Variants in CLSTN2 observed in about 807,000 individuals in gnomAD.
CLSTN2 encodes calsyntenin-2.
A neutral mutation model predicts 101.2 loss-of-function variants in CLSTN2; 48 were observed. The ratio of observed to expected loss-of-function variants is 0.47; its 90% CI spans 0.38 to 0.60. CLSTN2 has a LOEUF of 0.60. Ranked by LOEUF, CLSTN2 falls within the 20% of genes least tolerant of loss-of-function variation. The probability of loss-of-function intolerance (pLI) is 0.00; values close to 1 mark genes in which losing one functional copy is unlikely to be tolerated. For synonymous variants in CLSTN2, 481 were observed against 463.6 expected, an observed-to-expected ratio of 1.04 and a Z score of -0.48; for missense variants, 1,160 against 1,238.2, an observed-to-expected ratio of 0.94 and a Z score of 0.95.
intron 10 of CLSTN2, among the ~76,000 whole-genome samples, chr3:140,553,449 G>C (rs893258287): frequency 6.6e-6 from 1 of 152,148 alleles, no homozygotes; most frequent in African/African-American, 2.4e-5. Flanking sequence ...ACTAGAACTG[G>C]AATATTACAG....
intron 1 of CLSTN2, among the ~76,000 whole-genome samples, chr3:140,007,233 C>G (rs1414451665): frequency 6.6e-6 from 1 of 152,178 alleles, no homozygotes; most frequent in East Asian, 1.9e-4. Flanking sequence ...GGAAATAGCA[C>G]TCAGAAAGCC....
chr3:140,361,024 T>A (rs934805141), intron 2 of CLSTN2, among the ~76,000 whole-genome samples: 1 of 152,200 alleles, frequency 6.6e-6, no homozygotes, highest in Non-Finnish European at 1.5e-5. Flanking sequence ...TCAGTACTAT[T>A]CTGATATCTA....
Position 140,466,708 on chromosome 3 carries a change from G to T in CLSTN2, c.1321G>T (p.Glu441Ter). The change falls in exon 8 of 17, where the codon GAG becomes TAG. Residue 441 changes from glutamate to a stop codon, truncating the protein, a stop_gained. Coordinates refer to ENST00000458420, the MANE Select transcript of CLSTN2 (RefSeq NM_022131.3). LOFTEE classifies it high-confidence loss of function. ...CCAGGCTGACACCTTTCGCCCCGCG[G>T]AGTTCCACTGGAAGCTGGATCAGGT... ...FDQADTFRPA[E>*]FHWKLDQICD... The T allele has an allele frequency of 6.2e-7, 1 of 1,614,126 alleles. No homozygotes were observed. The highest frequency in any genetic ancestry group is 8.5e-7 in the Non-Finnish European group (1 of 1,180,006).
chr3:140,375,335 G>A (rs1196521611), intron 2 of CLSTN2, among the ~76,000 whole-genome samples: 2 of 152,164 alleles, frequency 1.3e-5, no homozygotes, highest in Non-Finnish European at 2.9e-5. Flanking sequence ...TCCACTCAGG[G>A]GATGTTTGCT....
chr3:140,529,380 A>G (rs1454341704), intron 8 of CLSTN2, among the ~76,000 whole-genome samples: 2 of 152,204 alleles, frequency 1.3e-5, no homozygotes, highest in Non-Finnish European at 1.5e-5. Flanking sequence ...GGTGTCAGAC[A>G]TTCTTGGAGC....
chr3:140,471,936 G>A (rs1045478178), intron 8 of CLSTN2, among the ~76,000 whole-genome samples: 14 of 152,128 alleles, frequency 9.2e-5, no homozygotes, highest in African/African-American at 3.1e-4. Flanking sequence ...CTGGTCTCTG[G>A]TTTGAGATTA....
chr3:140,312,750 G>A (rs1427815386), intron 2 of CLSTN2, among the ~76,000 whole-genome samples: 4 of 152,166 alleles, frequency 2.6e-5, no homozygotes, highest in Admixed American at 6.6e-5. Flanking sequence ...AAAAATTGGA[G>A]GTTTTCAGAG....
chr3:140,197,888 A>G (rs1040620978), intron 2 of CLSTN2, among the ~76,000 whole-genome samples: 1 of 152,164 alleles, frequency 6.6e-6, no homozygotes, highest in East Asian at 1.9e-4. Context: ...CCTTTCTGTG[A>G]TGCTGAGTTT....
At chr3:140,420,330 C>A (rs1008867779) in intron 4 of CLSTN2, among the ~76,000 whole-genome samples, 1 of 150,924 alleles carries the variant, frequency 6.6e-6, no homozygotes, top group Admixed American at 6.6e-5. Context: ...TTATTCTCAG[C>A]AAAATATTTT....
chr3:139,937,073 C>G (rs1233529148), intron 1 of CLSTN2, among the ~76,000 whole-genome samples: 1 of 144,852 alleles, frequency 6.9e-6, no homozygotes, highest in African/African-American at 2.5e-5. Flanking sequence ...CCAATATAGA[C>G]ACTTTGTTAA....
At chr3:139,954,956 A>G (rs1321806904) in intron 1 of CLSTN2, among the ~76,000 whole-genome samples, 2 of 151,864 alleles carry the variant, frequency 1.3e-5, no homozygotes, top group African/African-American at 4.8e-5. Flanking sequence ...CCCAGCTTAA[A>G]TGGATGGGAT....
At chr3:140,045,651 A>G (rs186939795) in intron 1 of CLSTN2, among the ~76,000 whole-genome samples, 2 of 152,322 alleles carry the variant, frequency 1.3e-5, no homozygotes, top group Admixed American at 1.3e-4. Flanking sequence ...TCTTGTGGGC[A>G]TTTAATGCTA....
In CLSTN2 at chr3:140,353,736, T is replaced by C. The variant is rs577002425; in HGVS notation, c.233-49893T>C. 2.0e-5 allele frequency among the ~76,000 whole-genome samples: 3 copies of C among 152,288 alleles called. No homozygotes were observed. In the South Asian group the frequency reaches 6.2e-4, roughly 32 times the overall value. On this transcript the variant is annotated intron_variant, in intron 2 of 16. Transcript: ENST00000458420. ...CTAATGCTTACTGAGATGGCCAAAA[T>C]AAAATATTAATAATTAATGATAATA... is the stretch of plus-strand genomic sequence containing the variant.
chr3:140,320,375 A>C, intron 2 of CLSTN2, among the ~76,000 whole-genome samples: 1 of 152,116 alleles, frequency 6.6e-6, no homozygotes, highest in Admixed American at 6.5e-5. Context: ...TAACAACCTG[A>C]TCACCTCCCC....
intron 9 of CLSTN2, among the ~76,000 whole-genome samples, chr3:140,537,229 G>A (rs1296905303): frequency 6.6e-6 from 1 of 152,200 alleles, no homozygotes; most frequent in East Asian, 1.9e-4. Flanking sequence ...AAAATGGTTT[G>A]ATAGCAGCTG....
At chr3:140,485,877 A>G (rs1451504080) in intron 8 of CLSTN2, among the ~76,000 whole-genome samples, 1 of 152,126 alleles carries the variant, frequency 6.6e-6, no homozygotes, top group Non-Finnish European at 1.5e-5. Flanking sequence ...TTTGATTAGG[A>G]AAGGGAATTC....
At chr3:140,560,408 T>C (rs1055818195) in intron 12 of CLSTN2, among the ~76,000 whole-genome samples, 2 of 152,206 alleles carry the variant, frequency 1.3e-5, no homozygotes, top group Non-Finnish European at 2.9e-5. Flanking sequence ...GCTCTCTGGC[T>C]GGAAGGTCCC....
chr3:140,185,502 A>T lies in CLSTN2; in HGVS notation c.232+9429A>T, dbSNP rs147399275. On this transcript the variant is annotated intron_variant, in intron 2 of 16. Coordinates refer to ENST00000458420, the MANE Select transcript of CLSTN2 (RefSeq NM_022131.3). ...ACACATTATGGTATTTTCTCTGCTC[A>T]CTGACCCGGTGGTCAAATTTCAAGC... Among the ~76,000 whole-genome samples, 44 of 152,290 alleles carry T rather than the reference A, an allele frequency of 2.9e-4. No homozygotes were observed. The Middle Eastern group carries it at 0.01, about 35-fold the overall frequency.
rs747277859 is a variant in CLSTN2 at position 140,546,566 on chromosome 3, C to T, written c.1559C>T (p.Ala520Val). ...GCTCAGTTCTTTCATGGAAGCCTGG[C>T]CAGTCTCACCATCCGCCCTGGCAAA... Reference protein sequence around the residue: ...QFAQFFHGSLASLTIRPGKME... With the variant: ...QFAQFFHGSLVSLTIRPGKME... Residue 520 changes from alanine (A) to valine (V), a missense_variant, in exon 10 of 17, where the codon GCC becomes GTC. By Grantham distance (64) the Ala-to-Val change is moderately conservative (BLOSUM62 0). Transcript: ENST00000458420. 31 of 1,613,992 alleles carry T rather than the reference C, an allele frequency of 1.9e-5. No individual in the cohort carries two copies. In the South Asian group the frequency reaches 3.4e-4, roughly 18 times the overall value.
Sources: gnomAD v4.1 joint callset for allele counts (sites outside exome capture counted in the v4.1 genomes callset) on GRCh38, gnomAD v4.1.1 for gene constraint, MANE v1.5 for transcripts, NCBI Gene and HGNC (gene_info 2026-07-23, HGNC 2026-07-21) for gene names.